The following CC2D2B variants were observed in gnomAD, a reference collection of about 807,000 sequenced individuals.
The protein encoded by CC2D2B is protein CC2D2B.
CC2D2B carries 128 observed loss-of-function variants against 161.2 expected under a neutral mutation model. The ratio of observed to expected loss-of-function variants is 0.79; its 90% confidence interval spans 0.69 to 0.92. The LOEUF (loss-of-function observed/expected upper bound fraction) is 0.92, where lower values mean the gene tolerates loss of function less well. Ranked by LOEUF, CC2D2B falls within the 40% of genes least tolerant of loss-of-function variation. The pLI is 0.00. For missense variants in CC2D2B, 1,173 were observed against 1,375.1 expected (o/e 0.85, Z 2.32); for synonymous variants, 391 against 449.8 (o/e 0.87, Z 1.65).
intron 33 of CC2D2B, among the ~76,000 whole-genome samples, chr10:96,025,946 G>C (rs1453801747): frequency 6.6e-6 from 1 of 152,034 alleles, no homozygotes; most frequent in African/African-American, 2.4e-5. Context: ...TCATTTCCCA[G>C]TTCTTAACAA....
chr10:96,001,199 T>C (rs1208511725), intron 24 of CC2D2B, among the ~76,000 whole-genome samples: 2 of 152,214 alleles, frequency 1.3e-5, no homozygotes, highest in Non-Finnish European at 2.9e-5. Context: ...TATGCTTTAC[T>C]GCTGGGTATA....
At chr10:95,946,492 A>G (rs899121421) in intron 9 of CC2D2B, among the ~76,000 whole-genome samples, 1 of 152,148 alleles carries the variant, frequency 6.6e-6, no homozygotes, top group Non-Finnish European at 1.5e-5. Context: ...TTCATTTACA[A>G]TTTAGTTGTT....
intron 34 of CC2D2B, 99 bp from the exon 35 acceptor site, chr10:96,031,721 G>A: frequency 7.8e-6 from 8 of 1,029,400 alleles, no homozygotes; most frequent in East Asian, 2.4e-5. Flanking sequence ...TATTTTATGA[G>A]TACTATTTCT....
At chr10:95,934,865 GTTTGT>G (rs59255321) in intron 6 of CC2D2B, among the ~76,000 whole-genome samples, 16 of 150,738 alleles carry the variant, frequency 1.1e-4, no homozygotes, top group Admixed American at 2.6e-4. Context: ...TTTTTTGTTT[GTTTGT>G]TTTGTTTTGT....
chr10:95,972,889 G>A (rs1045146966), intron 16 of CC2D2B, among the ~76,000 whole-genome samples: 2 of 152,120 alleles, frequency 1.3e-5, no homozygotes, highest in Non-Finnish European at 2.9e-5. Flanking sequence ...GGGAAGGGAA[G>A]AAGAAAATGA....
At chr10:96,005,017 C>T (rs903670798) in intron 25 of CC2D2B, among the ~76,000 whole-genome samples, 3 of 152,102 alleles carry the variant, frequency 2.0e-5, no homozygotes, top group Non-Finnish European at 4.4e-5. Flanking sequence ...CTCAGTTTTC[C>T]AGGAGATACA....
At chr10:95,967,556 A>G (rs2076982497) in intron 14 of CC2D2B, among the ~76,000 whole-genome samples, 1 of 152,232 alleles carries the variant, frequency 6.6e-6, no homozygotes, top group Admixed American at 6.5e-5. Flanking sequence ...TACAGAGATT[A>G]GAGAAAAATT....
intron 16 of CC2D2B, among the ~76,000 whole-genome samples, chr10:95,972,695 A>G (rs1355701978): frequency 6.6e-6 from 1 of 152,198 alleles, no homozygotes; most frequent in East Asian, 1.9e-4. Flanking sequence ...CTTGGGTCAG[A>G]TTTTTGGGAA....
In CC2D2B at chr10:96,031,836, T is replaced by A; in HGVS notation, c.4142T>A (p.Ile1381Asn). The part of the protein sequence containing the change: ...LQFYWVTGFP[I>N]QMPYIDVQSI... ...TTGATCCAGGTCACGGGATTTCCCA[T>A]CCAGATGCCATACATTGATGTACAG... Residue 1381 changes from isoleucine to asparagine, a missense_variant, in exon 35 of 35, where the codon ATC becomes AAC. By Grantham distance (149) the Ile-to-Asn change is moderately radical. This residue lies in a region of CC2D2B where 598 missense variants were observed against 693.2 expected (regional missense o/e 0.86). Coordinates refer to ENST00000646931, the MANE Select transcript of CC2D2B (RefSeq NM_001349008.3). 2 of 1,613,512 alleles carry A rather than the reference T, an allele frequency of 1.2e-6. No homozygotes were observed. The highest frequency in any genetic ancestry group is 1.7e-6 in the Non-Finnish European group (2 of 1,179,544).
chr10:95,927,950 G>T (rs1234329522), intron 6 of CC2D2B, among the ~76,000 whole-genome samples: 1 of 151,828 alleles, frequency 6.6e-6, no homozygotes. Context: ...CTCCCTATCT[G>T]CTCTTGTTCC....
intron 12 of CC2D2B, among the ~76,000 whole-genome samples, chr10:95,962,313 CA>C (rs1188919371): frequency 6.6e-6 from 1 of 151,842 alleles, no homozygotes; most frequent in Non-Finnish European, 1.5e-5. Flanking sequence ...TAGAGAAATG[CA>C]AATTAAAACC....
intron 10 of CC2D2B, chr10:95,950,371 T>C (rs1384718876): frequency 1.2e-5 from 3 of 252,314 alleles, no homozygotes; most frequent in Non-Finnish European, 2.2e-5. Context: ...GAAATGATTA[T>C]TAATGAAAAG....
intron 30 of CC2D2B, among the ~76,000 whole-genome samples, chr10:96,017,554 C>T (rs943771369): frequency 2.6e-5 from 4 of 152,094 alleles, no homozygotes; most frequent in Non-Finnish European, 5.9e-5. Context: ...TGACCAAGAG[C>T]AAGGGCTGTG....
chr10:96,016,339 A>G (rs754325574), intron 30 of CC2D2B, 25 bp downstream of exon 30: 2 of 1,415,404 alleles, frequency 1.4e-6, no homozygotes, highest in Non-Finnish European at 2.0e-6. Flanking sequence ...TCATATTGAA[A>G]TAATGTAAGC....
At chr10:95,953,379 A>T (rs2076468772) in intron 10 of CC2D2B, among the ~76,000 whole-genome samples, 1 of 152,038 alleles carries the variant, frequency 6.6e-6, no homozygotes, top group Non-Finnish European at 1.5e-5. Context: ...TTTTTAAAAA[A>T]ATTTTAAGAA....
chr10:95,911,572 T>C (rs1314924258), intron 2 of CC2D2B, among the ~76,000 whole-genome samples: 1 of 152,212 alleles, frequency 6.6e-6, no homozygotes, highest in Non-Finnish European at 1.5e-5. Context: ...TGTATGTATT[T>C]ATTTAATCTC....
chr10:95,913,417 G>T, intron 2 of CC2D2B: 1 of 418,206 alleles, frequency 2.4e-6, no homozygotes, highest in Non-Finnish European at 4.7e-6. Context: ...GAACAGTGCT[G>T]CAACAAACAT....
chr10:95,913,552 G>A (rs536081816), intron 2 of CC2D2B: 65 of 188,884 alleles, frequency 3.4e-4, no homozygotes, highest in Middle Eastern at 2.2e-3. Flanking sequence ...ACTGTTCTCC[G>A]TAGTGGCTGT....
intron 32 of CC2D2B, among the ~76,000 whole-genome samples, chr10:96,024,630 C>T (rs1400378854): frequency 1.3e-5 from 2 of 152,122 alleles, no homozygotes; most frequent in Non-Finnish European, 2.9e-5. Flanking sequence ...CTGTTTTACC[C>T]ATGAAAATAT....
Sources: allele counts gnomAD v4.1 joint callset (sites outside exome capture counted in the v4.1 genomes callset), GRCh38; gene constraint gnomAD v4.1.1; regional missense constraint gnomAD v4.1.1; transcripts MANE v1.5; gene names NCBI Gene and HGNC (gene_info 2026-07-23, HGNC 2026-07-21).